Variants in UMODL1 observed in about 807,000 individuals in gnomAD.
The protein encoded by UMODL1 is uromodulin like 1.
UMODL1 carries 128 observed loss-of-function variants against 136.3 expected under a neutral mutation model. That is an observed-to-expected ratio of 0.94 (90% confidence interval 0.81 to 1.09). UMODL1 has a LOEUF of 1.09. UMODL1 is among the 50% of genes least tolerant of loss of function. The pLI, the probability that UMODL1 is intolerant of heterozygous loss-of-function variation, is 0.00. For synonymous variants in UMODL1, 721 were observed against 720.0 expected, an observed-to-expected ratio of 1.00 and a Z score of -0.02; for missense variants, 1,766 against 1,725.6, an observed-to-expected ratio of 1.02 and a Z score of -0.41.
At position 42,127,549 on chromosome 21, in the gene UMODL1, C is replaced by T. The variant is rs998964512; in HGVS notation, c.3531-123C>T. 5.3e-5 allele frequency: 64 copies of T among 1,211,466 alleles called. No individual in the cohort carries two copies. In the African/African-American group the frequency reaches 8.7e-4, roughly 17 times the overall value. The allele number at this position is 1,211,466 out of a possible 1,614,324, so 75.0% of individuals were successfully genotyped here. ...GGGAACAAATGAGGTGCCCGGTCCT[C>T]GACTTCCACGGAGCCTGTGGAATCT... is the stretch of plus-strand genomic sequence containing the variant. On this transcript the variant is annotated intron_variant, in intron 19 of 22. Transcript: ENST00000408910.
chr21:42,102,051 T>A, intron 7 of UMODL1, 115 bp from the exon 8 acceptor site: 1 of 685,192 alleles, frequency 1.5e-6, no homozygotes, highest in Non-Finnish European at 2.5e-6. Context: ...CTAAGATTCA[T>A]GCCTCAATCT....
intron 6 of UMODL1, among the ~76,000 whole-genome samples, chr21:42,097,962 C>T (rs976461024): frequency 2.0e-5 from 3 of 152,250 alleles, no homozygotes; most frequent in Non-Finnish European, 4.4e-5. Flanking sequence ...TTTCTGAGTC[C>T]GGCTTCCTGA....
chr21:42,083,054 A>G lies in UMODL1; in HGVS notation c.320-1030A>G, dbSNP rs147393089. Among the ~76,000 whole-genome samples the G allele has an allele frequency of 7.8e-3, 1,187 of 152,312 alleles. 16 individuals carry two copies. Among genetic ancestry groups the G allele is most frequent in the African/African-American group, 0.027 (1,128 of 41,566 alleles). On this transcript the variant is annotated intron_variant, in intron 2 of 22. Transcript: ENST00000408910. The stretch of plus-strand genomic sequence containing the variant: ...TGCCTTCCTCATCTTTGCCTCCTGC[A>G]GAGGCTGGCCGCGTTTCTGTGTCTA...
chr21:42,137,325 C>T (rs2067217730), intron 21 of UMODL1, 114 bp from the exon 22 acceptor site: 1 of 1,324,792 alleles, frequency 7.5e-7, no homozygotes. Flanking sequence ...CACACGTGGG[C>T]CTTGCATTCC....
At chr21:42,126,949 G>A in intron 18 of UMODL1, 57 bp from the exon 19 acceptor site, 1 of 1,378,860 alleles carries the variant, frequency 7.3e-7, no homozygotes, top group Non-Finnish European at 1.0e-6. Context: ...GGAATGGGAG[G>A]GGCCACGATA....
At position 42,076,167 on chromosome 21, in the gene UMODL1, T is replaced by C; in HGVS notation, c.239T>C (p.Leu80Pro). 1 of 1,614,238 alleles carries C rather than the reference T, an allele frequency of 6.2e-7. No individual in the cohort carries two copies. Among genetic ancestry groups the C allele is most frequent in the Non-Finnish European group, 8.5e-7 (1 of 1,180,042 alleles). The change falls in exon 2 of 23, where the codon CTG becomes CCG. Residue 80 changes from leucine (L) to proline (P), a missense_variant. Leu to Pro is a moderately conservative substitution (Grantham distance 98, BLOSUM62 -3). Transcript: ENST00000408910. ...AAGATGGTTTACCGGACACAGTACC[T>C]GGTAGTGGAGGTCCCCGAGTCCAGG... Reference protein sequence around the residue: ...CPKMVYRTQYLVVEVPESRNV... With the variant: ...CPKMVYRTQYPVVEVPESRNV...
chr21:42,091,777 G>A (rs996618119), intron 6 of UMODL1, among the ~76,000 whole-genome samples: 2 of 152,230 alleles, frequency 1.3e-5, no homozygotes, highest in Non-Finnish European at 2.9e-5. Flanking sequence ...GTGCCAGGAT[G>A]CTGATTGAGT....
chr21:42,095,089 G>GTGTTTTTTTTTT (rs1555922541), intron 6 of UMODL1, among the ~76,000 whole-genome samples: 2 of 61,186 alleles, frequency 3.3e-5, no homozygotes, highest in Non-Finnish European at 5.8e-5. Context: ...TTCTTCTGCT[G>GTGTTTTTTTTTT]TTTTTTTTTT....
intron 1 of UMODL1, among the ~76,000 whole-genome samples, chr21:42,064,032 C>G (rs977038931): frequency 2.6e-5 from 4 of 152,220 alleles, no homozygotes; most frequent in East Asian, 1.9e-4. Flanking sequence ...TCTGAAATAA[C>G]CTGGCCGTTA....
intron 1 of UMODL1, among the ~76,000 whole-genome samples, chr21:42,065,523 G>A (rs1279741690): frequency 1.3e-5 from 2 of 151,642 alleles, no homozygotes; most frequent in Non-Finnish European, 2.9e-5. Context: ...GACTGCACCA[G>A]ATCTCTTTCT....
At chr21:42,065,935 C>T (rs2066179691) in intron 1 of UMODL1, among the ~76,000 whole-genome samples, 1 of 152,200 alleles carries the variant, frequency 6.6e-6, no homozygotes, top group Non-Finnish European at 1.5e-5. Flanking sequence ...GCAGCCAGGT[C>T]CCAGGACCCA....
intron 5 of UMODL1, 105 bp downstream of exon 5, chr21:42,088,585 A>G: frequency 8.3e-7 from 1 of 1,207,962 alleles, no homozygotes; most frequent in Non-Finnish European, 1.1e-6. Context: ...TGTCTTTTAA[A>G]GGAGGTTTAA....
Position 42,128,774 on chromosome 21 carries a change from C to T in UMODL1, c.3691-939C>T, listed in dbSNP as rs953403177. Among the ~76,000 whole-genome samples the T allele has an allele frequency of 3.9e-5, 6 of 152,334 alleles. No homozygotes were observed. In the East Asian group the frequency reaches 9.6e-4, roughly 24 times the overall value. Reference sequence around the variant, plus strand: ...GCAGGGAGCGGCTGGCTCTCAAGTTCTCTACAAGAGAATTCTTTACAAGAG... The same window carrying T: ...GCAGGGAGCGGCTGGCTCTCAAGTTTTCTACAAGAGAATTCTTTACAAGAG... On this transcript the variant is annotated intron_variant, in intron 20 of 22. Transcript: ENST00000408910.
intron 9 of UMODL1, chr21:42,108,223 G>A: frequency 2.1e-6 from 1 of 466,352 alleles, no homozygotes; most frequent in South Asian, 1.6e-5. Flanking sequence ...TGGTGCCTCT[G>A]CTGTCCTCCG....
At chr21:42,076,269 TG>T in intron 2 of UMODL1, 22 bp downstream of exon 2, 1 of 1,612,024 alleles carries the variant, frequency 6.2e-7, no homozygotes, top group Non-Finnish European at 8.5e-7. Flanking sequence ...GCTGCTGGGC[TG>T]GGGCGGGGCC....
At chr21:42,069,961 A>G (rs2066215330), upstream of UMODL1, among the ~76,000 whole-genome samples, 1 of 152,184 alleles carries the variant, frequency 6.6e-6, no homozygotes, top group African/African-American at 2.4e-5. Flanking sequence ...TTGGTTTTCT[A>G]TAAAAGCTGC....
rs747413105 is a variant in UMODL1, at chr21:42,129,710, C to T, written c.3691-3C>T. On this transcript the variant is annotated splice_region_variant and splice_polypyrimidine_tract_variant and intron_variant, in intron 20 of 22. Transcript: ENST00000408910. ...GTTTCTCTTCTTGGAAAAAAAAAAA[C>T]AGAATTGCAATAACTTTCGGTTGCT... 3.2e-6 allele frequency: 5 copies of T among 1,551,222 alleles called. No homozygotes were observed. The highest frequency in any genetic ancestry group is 1.3e-5 in the South Asian group (1 of 79,730).
intron 1 of UMODL1, 40 bp from the exon 2 acceptor site, chr21:42,075,965 C>G (rs776419530): frequency 6.2e-7 from 1 of 1,608,994 alleles, no homozygotes; most frequent in Non-Finnish European, 8.5e-7. Flanking sequence ...CGGATCTGAT[C>G]CTGGTGTTCT....
intron 9 of UMODL1, among the ~76,000 whole-genome samples, chr21:42,106,580 C>T (rs557314262): frequency 2.7e-4 from 41 of 152,258 alleles, no homozygotes; most frequent in East Asian, 1.9e-4. Flanking sequence ...GGGTTTCCTG[C>T]GCCAGTCACG....
Sources: allele counts gnomAD v4.1 joint callset (sites outside exome capture counted in the v4.1 genomes callset), GRCh38; gene constraint gnomAD v4.1.1; transcripts MANE v1.5; gene names NCBI Gene and HGNC (gene_info 2026-07-23, HGNC 2026-07-21).